LRCH2: variants seen among roughly 807,000 people sequenced by gnomAD.
LRCH2 encodes leucine rich repeats and calponin homology domain containing 2.
In LRCH2, 38 loss-of-function variants were observed where a neutral mutation model predicts 68.9. The observed-to-expected ratio is 0.55, with a 90% CI of 0.43 to 0.72. The LOEUF (loss-of-function observed/expected upper bound fraction) is 0.72. Ranked by LOEUF, LRCH2 falls within the 30% of genes least tolerant of loss-of-function variation. The probability of loss-of-function intolerance (pLI) is 0.00; values close to 1 mark genes in which losing one functional copy is unlikely to be tolerated. For missense variants in LRCH2, 528 were observed against 572.9 expected, an observed-to-expected ratio of 0.92 and a Z score of 0.80; for synonymous variants, 191 against 208.1, an observed-to-expected ratio of 0.92 and a Z score of 0.71.
At chrX:115,147,758 G>A (rs1324767813) in intron 14 of LRCH2, among the ~76,000 whole-genome samples, 2 of 111,261 alleles carry the variant, frequency 1.8e-5, no homozygotes, top group Non-Finnish European at 3.8e-5. Context: ...ACTGTAAAAC[G>A]TTTTTTAAAC....
chrX:115,183,339 G>C (rs868931469), intron 3 of LRCH2, among the ~76,000 whole-genome samples: 2 of 111,291 alleles, frequency 1.8e-5, no homozygotes, highest in Middle Eastern at 4.6e-3. Flanking sequence ...TGAAATTGTA[G>C]GTAAGTTCCT....
At chrX:115,122,459 A>G in intron 20 of LRCH2, 68 bp downstream of exon 20, 5 of 908,443 alleles carry the variant, frequency 5.5e-6, no homozygotes, top group Non-Finnish European at 7.9e-6. Flanking sequence ...TTGCTCTAAG[A>G]AGAACCCCAG....
intron 5 of LRCH2, among the ~76,000 whole-genome samples, chrX:115,171,751 A>G (rs1188854874): frequency 9.1e-6 from 1 of 109,338 alleles, no homozygotes; most frequent in Non-Finnish European, 1.9e-5. Flanking sequence ...CAGTGGCACA[A>G]ACATGGCTCA....
Position 115,113,085 on chromosome X carries a change from A to AT in LRCH2, c.*130dup, listed in dbSNP as rs1302979266. The AT allele has an allele frequency of 1.6e-5, 9 of 553,072 alleles. No homozygotes were observed. The highest frequency in any genetic ancestry group is 1.2e-4 in the African/African-American group (5 of 41,500). The allele number at this position is 553,072 out of a possible 1,213,427, so 45.6% of individuals were successfully genotyped here. A position where few individuals can be genotyped will look rare whatever the true frequency, so the allele number is the denominator to read the frequency against. ...TGTTTAAGTTTGATGTTTCAATGTA[A>AT]TTTTTTTAAAATCCTAAGGCGTGAC... On this transcript the variant is annotated 3_prime_UTR_variant, in exon 21 of 21. Coordinates refer to ENST00000317135, the MANE Select transcript of LRCH2 (RefSeq NM_020871.4).
rs782600561 is a variant in LRCH2, at chrX:115,191,013, C to T, written c.350-2643G>A. 4.1e-5 allele frequency: 48 copies of T among 1,162,985 alleles called. No homozygotes were observed. The highest frequency in any genetic ancestry group is 3.9e-4 in the Admixed American group (15 of 38,180). On this transcript the variant is annotated intron_variant, in intron 1 of 20. Transcript: ENST00000317135. ...ACTCTCTGGATGCCAACAGCGGAGG[C>T]CGTTCACCCGACACCCACAGTGGGG...
At chrX:115,131,533 C>T (rs1556530215) in intron 14 of LRCH2, among the ~76,000 whole-genome samples, 2 of 111,499 alleles carry the variant, frequency 1.8e-5, no homozygotes. Flanking sequence ...GGTTCCAAGT[C>T]TTTGCTATTG....
chrX:115,223,796 C>T (rs1406084354), intron 1 of LRCH2, among the ~76,000 whole-genome samples: 4 of 108,667 alleles, frequency 3.7e-5, no homozygotes, highest in Non-Finnish European at 7.6e-5. Context: ...CATGGTGGCA[C>T]ACGCCTGTAA....
chrX:115,222,234 G>T (rs2073090534), intron 1 of LRCH2, among the ~76,000 whole-genome samples: 1 of 111,712 alleles, frequency 9.0e-6, no homozygotes, highest in Non-Finnish European at 1.9e-5. Context: ...TGAAAAGCCA[G>T]GTATAGAAGG....
chrX:115,165,485 T>C, intron 9 of LRCH2, 22 bp from the exon 10 acceptor site: 1 of 1,097,461 alleles, frequency 9.1e-7, no homozygotes, highest in South Asian at 2.1e-5. Context: ...GAAAGTTACA[T>C]TTTAAATTGT....
chrX:115,191,224 C>G lies in LRCH2; in HGVS notation c.350-2854G>C. ...AGGAGGAGGCTGCTACGAGGAGTAC[C>G]GAGGCCGCTCCCTCGATGCCAACAG... On this transcript the variant is annotated intron_variant, in intron 1 of 20. Coordinates refer to ENST00000317135, the MANE Select transcript of LRCH2 (RefSeq NM_020871.4). 8.7e-7 allele frequency: 1 copy of G among 1,155,807 alleles called. No individual in the cohort carries two copies. The highest frequency in any genetic ancestry group is 1.8e-5 in the African/African-American group (1 of 54,481).
At chrX:115,176,452 C>T (rs2072647581) in intron 5 of LRCH2, among the ~76,000 whole-genome samples, 2 of 110,426 alleles carry the variant, frequency 1.8e-5, no homozygotes, top group Admixed American at 1.9e-4. Flanking sequence ...AGCTGTTGGC[C>T]ATTTGTATGT....
chrX:115,229,251 T>C (rs1556577515), intron 1 of LRCH2, among the ~76,000 whole-genome samples: 1 of 111,642 alleles, frequency 9.0e-6, no homozygotes, highest in Non-Finnish European at 1.9e-5. Context: ...GAGAATGTGT[T>C]ACACTGGAAA....
chrX:115,127,426 A>G (rs2072209041), intron 15 of LRCH2, among the ~76,000 whole-genome samples: 1 of 112,158 alleles, frequency 8.9e-6, no homozygotes, highest in African/African-American at 3.2e-5. Context: ...TGCACACTAC[A>G]TAGAAAATGT....
intron 1 of LRCH2, among the ~76,000 whole-genome samples, chrX:115,218,800 C>T (rs2073059125): frequency 8.9e-6 from 1 of 112,094 alleles, no homozygotes; most frequent in Non-Finnish European, 1.9e-5. Flanking sequence ...GGCTGCTCGG[C>T]CTGCTGCCAC....
intron 14 of LRCH2, among the ~76,000 whole-genome samples, chrX:115,143,858 C>A (rs1383797330): frequency 8.9e-6 from 1 of 111,872 alleles, no homozygotes; most frequent in Non-Finnish European, 1.9e-5. Context: ...TACATCATAA[C>A]AACAGAATAA....
At chrX:115,211,225 T>C (rs1365666214) in intron 1 of LRCH2, among the ~76,000 whole-genome samples, 1 of 111,601 alleles carries the variant, frequency 9.0e-6, no homozygotes, top group Non-Finnish European at 1.9e-5. Context: ...TGAATTCCCA[T>C]GTGTTGTGGG....
chrX:115,185,254 A>T (rs1367744507), intron 2 of LRCH2, among the ~76,000 whole-genome samples: 1 of 112,039 alleles, frequency 8.9e-6, no homozygotes, highest in Non-Finnish European at 1.9e-5. Context: ...CTCATTTTGC[A>T]GCAGGTCATG....
In LRCH2 at chrX:115,192,457, G is replaced by A. The variant is rs782199318; in HGVS notation, c.350-4087C>T. 6 of 1,169,484 alleles carry A rather than the reference G, an allele frequency of 5.1e-6. No individual in the cohort carries two copies. Among genetic ancestry groups the A allele is most frequent in the Non-Finnish European group, 6.9e-6 (6 of 873,845 alleles). On this transcript the variant is annotated intron_variant, in intron 1 of 20. Coordinates refer to ENST00000317135, the MANE Select transcript of LRCH2 (RefSeq NM_020871.4). ...CCACGACAGATCCAGCAACAGTTAC[G>A]GCCGGAGCGACCGCTACTCGAGGGG...
intron 16 of LRCH2, among the ~76,000 whole-genome samples, chrX:115,126,082 T>A (rs2072198147): frequency 9.0e-6 from 1 of 111,364 alleles, no homozygotes; most frequent in Non-Finnish European, 1.9e-5. Flanking sequence ...ATCCAACACT[T>A]TGAGCAAAGT....
Sources: allele counts gnomAD v4.1 joint callset (sites outside exome capture counted in the v4.1 genomes callset), GRCh38; gene constraint gnomAD v4.1.1; transcripts MANE v1.5; gene names NCBI Gene and HGNC (gene_info 2026-07-23, HGNC 2026-07-21).